The following RALGPS1 variants were observed in gnomAD, a reference collection of about 807,000 sequenced individuals.
RALGPS1 encodes the protein Ral GEF with PH domain and SH3 binding motif 1.
In RALGPS1, 19 loss-of-function variants were observed where a neutral mutation model predicts 78.8. That is an observed-to-expected ratio of 0.24 (90% confidence interval 0.17 to 0.35). The LOEUF (loss-of-function observed/expected upper bound fraction) is 0.35, where lower values mean the gene tolerates loss of function less well. RALGPS1 is among the 10% of genes least tolerant of loss of function. The pLI is 1.00. For missense variants in RALGPS1, 454 were observed against 688.3 expected (o/e 0.66, Z 3.81); for synonymous variants, 228 against 256.3 (o/e 0.89, Z 1.06).
At chr9:127,156,009 G>A (rs1159025622) in intron 8 of RALGPS1, among the ~76,000 whole-genome samples, 4 of 151,868 alleles carry the variant, frequency 2.6e-5, no homozygotes, top group Admixed American at 2.0e-4. Context: ...CCCAAAGATG[G>A]CTATCGATAA....
At chr9:127,121,481 C>G (rs1222066058) in intron 8 of RALGPS1, among the ~76,000 whole-genome samples, 1 of 152,218 alleles carries the variant, frequency 6.6e-6, no homozygotes, top group Admixed American at 6.5e-5. Flanking sequence ...ACTGAACTGG[C>G]CTCTGGGAGC....
At chr9:127,187,740 A>T (rs1374108142) in intron 11 of RALGPS1, among the ~76,000 whole-genome samples, 1 of 152,226 alleles carries the variant, frequency 6.6e-6, no homozygotes, top group African/African-American at 2.4e-5. Flanking sequence ...TCCACCCTCT[A>T]CATGGATTTG....
intron 2 of RALGPS1, among the ~76,000 whole-genome samples, 183 bp downstream of exon 2, chr9:126,962,529 C>T (rs769304967): frequency 1.3e-4 from 20 of 152,366 alleles, no homozygotes; most frequent in Middle Eastern, 3.4e-3. Context: ...TGAGGATCAG[C>T]GTGTTTTCTG....
At chr9:127,023,643 C>T (rs2045679290) in intron 4 of RALGPS1, among the ~76,000 whole-genome samples, 2 of 152,182 alleles carry the variant, frequency 1.3e-5, no homozygotes, top group Admixed American at 6.5e-5. Context: ...AGGGGACCTG[C>T]ATGCACTTGA....
intron 17 of RALGPS1, chr9:127,213,899 G>A (rs1422228046): frequency 6.6e-6 from 1 of 152,266 alleles, no homozygotes; most frequent in Non-Finnish European, 1.5e-5. Context: ...GGGAGACCAT[G>A]CCTTGAGTGT....
At chr9:127,085,550 A>G (rs2051623211) in intron 8 of RALGPS1, among the ~76,000 whole-genome samples, 2 of 151,992 alleles carry the variant, frequency 1.3e-5, no homozygotes, top group South Asian at 4.2e-4. Flanking sequence ...TTTTCTCCAC[A>G]TCTCTGATGA....
chr9:126,986,427 T>C (rs935090518), intron 4 of RALGPS1, among the ~76,000 whole-genome samples: 1 of 152,174 alleles, frequency 6.6e-6, no homozygotes, highest in Non-Finnish European at 1.5e-5. Context: ...GGTGGATTCC[T>C]GGCTGCCAGG....
At chr9:127,010,181 G>C (rs2044215295) in intron 4 of RALGPS1, among the ~76,000 whole-genome samples, 1 of 152,126 alleles carries the variant, frequency 6.6e-6, no homozygotes, top group African/African-American at 2.4e-5. Context: ...ATGGAGGCTA[G>C]AGGTGGGGAG....
intron 4 of RALGPS1, among the ~76,000 whole-genome samples, chr9:126,993,410 A>C (rs2042444084): frequency 1.3e-5 from 2 of 152,130 alleles, no homozygotes; most frequent in African/African-American, 4.8e-5. Context: ...TGAGTTGAGA[A>C]GTATTCCTTC....
intron 4 of RALGPS1, among the ~76,000 whole-genome samples, chr9:126,991,161 C>G (rs542934055): frequency 2.0e-5 from 3 of 152,336 alleles, no homozygotes; most frequent in African/African-American, 7.2e-5. Context: ...AGAAATTGGT[C>G]TGTTTTAACA....
At chr9:127,182,377 C>T (rs1341712022) in intron 11 of RALGPS1, among the ~76,000 whole-genome samples, 1 of 40,794 alleles carries the variant, frequency 2.5e-5, no homozygotes, top group Non-Finnish European at 6.0e-5. Context: ...TTCCTCCCTC[C>T]CTCCCTCCCT....
intron 11 of RALGPS1, among the ~76,000 whole-genome samples, chr9:127,188,173 T>C (rs1321199793): frequency 6.7e-6 from 1 of 149,578 alleles, no homozygotes; most frequent in Non-Finnish European, 1.5e-5. Context: ...GTGATTCTCC[T>C]GCCTCAGCCT....
chr9:127,096,613 G>T (rs2053170468), intron 8 of RALGPS1, among the ~76,000 whole-genome samples: 1 of 152,192 alleles, frequency 6.6e-6, no homozygotes, highest in Non-Finnish European at 1.5e-5. Context: ...TTTACCTTTG[G>T]CATTTCCACC....
At chr9:127,097,407 T>G (rs1169637109) in intron 8 of RALGPS1, among the ~76,000 whole-genome samples, 1 of 152,270 alleles carries the variant, frequency 6.6e-6, no homozygotes, top group Non-Finnish European at 1.5e-5. Context: ...GAATTTCACA[T>G]GACAATCAGG....
chr9:127,009,829 G>A (rs1174456634), intron 4 of RALGPS1, among the ~76,000 whole-genome samples: 1 of 152,108 alleles, frequency 6.6e-6, no homozygotes, highest in Non-Finnish European at 1.5e-5. Context: ...CCACTTTCTT[G>A]AAGGTTTAGC....
At chr9:126,983,228 C>T (rs764400947) in intron 4 of RALGPS1, among the ~76,000 whole-genome samples, 2 of 151,970 alleles carry the variant, frequency 1.3e-5, no homozygotes, top group African/African-American at 4.8e-5. Flanking sequence ...TAAGCCACTG[C>T]GCCCAGCCCT....
intron 8 of RALGPS1, among the ~76,000 whole-genome samples, chr9:127,115,651 T>A (rs141336918): frequency 9.8e-4 from 149 of 152,368 alleles, no homozygotes; most frequent in African/African-American, 3.4e-3. Flanking sequence ...TCAACCAGTA[T>A]GAATAAAAGG....
At chr9:127,026,308 A>G (rs1215830607) in intron 4 of RALGPS1, among the ~76,000 whole-genome samples, 1 of 152,192 alleles carries the variant, frequency 6.6e-6, no homozygotes. Flanking sequence ...AGCTGATTAG[A>G]TAGTGCCCAC....
At chr9:127,102,995 A>C (rs2053880318) in intron 8 of RALGPS1, among the ~76,000 whole-genome samples, 2 of 152,038 alleles carry the variant, frequency 1.3e-5, no homozygotes, top group African/African-American at 4.8e-5. Flanking sequence ...AGTCACCCTC[A>C]CTCGCCACCA....
Sources: allele counts gnomAD v4.1 joint callset (sites outside exome capture counted in the v4.1 genomes callset), GRCh38; gene constraint gnomAD v4.1.1; transcripts MANE v1.5; gene names NCBI Gene and HGNC (gene_info 2026-07-23, HGNC 2026-07-21).